The following NAA25 variants were observed in gnomAD, a reference collection of about 807,000 sequenced individuals.
NAA25 encodes N-terminal acetyltransferase B complex subunit NAA25.
NAA25 carries 30 observed loss-of-function variants against 132.5 expected under a neutral mutation model. The ratio of observed to expected loss-of-function variants is 0.23; its 90% confidence interval spans 0.17 to 0.31. The LOEUF (loss-of-function observed/expected upper bound fraction) is 0.31. NAA25 is among the 10% of genes least tolerant of loss of function. The probability of loss-of-function intolerance (pLI) is 1.00; values close to 1 mark genes in which losing one functional copy is unlikely to be tolerated. For synonymous variants in NAA25, 359 were observed against 401.9 expected, an observed-to-expected ratio of 0.89 and a Z score of 1.28; for missense variants, 771 against 1,150.4, an observed-to-expected ratio of 0.67 and a Z score of 4.77.
At chr12:112,106,594 A>G (rs2079364281) in intron 1 of NAA25, among the ~76,000 whole-genome samples, 2 of 152,110 alleles carry the variant, frequency 1.3e-5, no homozygotes, top group South Asian at 2.1e-4. Flanking sequence ...GCCACTTACC[A>G]TCTGTGTGAC....
chr12:112,058,996 C>T (rs1013195573), intron 13 of NAA25, among the ~76,000 whole-genome samples: 4 of 142,748 alleles, frequency 2.8e-5, no homozygotes, highest in African/African-American at 1.0e-4. Flanking sequence ...ATGGCGTGAA[C>T]CTGGGAGGAG....
At chr12:112,031,303 T>A (rs143665779) in intron 23 of NAA25, among the ~76,000 whole-genome samples, 1 of 152,338 alleles carries the variant, frequency 6.6e-6, no homozygotes, top group East Asian at 1.9e-4. Context: ...TAATGGAAAC[T>A]GAATTGAAGA....
chr12:112,050,780 A>G (rs1052197632), intron 15 of NAA25, among the ~76,000 whole-genome samples: 1 of 152,234 alleles, frequency 6.6e-6, no homozygotes, highest in African/African-American at 2.4e-5. Context: ...GCTTATTTTC[A>G]TATTTTTAAA....
At chr12:112,062,689 G>A (rs1207718995) in intron 11 of NAA25, among the ~76,000 whole-genome samples, 2 of 151,458 alleles carry the variant, frequency 1.3e-5, no homozygotes, top group African/African-American at 2.4e-5. Flanking sequence ...TCGCACCACT[G>A]TACTCCAGCC....
intron 23 of NAA25, among the ~76,000 whole-genome samples, chr12:112,032,503 A>G (rs1400775356): frequency 1.3e-5 from 2 of 152,234 alleles, no homozygotes; most frequent in East Asian, 3.8e-4. Flanking sequence ...AGTTTAGCTC[A>G]GCAGTTTAGC....
intron 2 of NAA25, among the ~76,000 whole-genome samples, chr12:112,092,076 TA>T (rs1314976320): frequency 6.6e-6 from 1 of 151,522 alleles, no homozygotes; most frequent in African/African-American, 2.4e-5. Context: ...CCGTCTCTAC[TA>T]AAAATACAAA....
intron 20 of NAA25, among the ~76,000 whole-genome samples, chr12:112,040,780 T>C (rs1231686259): frequency 6.6e-6 from 1 of 152,150 alleles, no homozygotes; most frequent in Non-Finnish European, 1.5e-5. Context: ...CTCTATAGTC[T>C]TCAAAATATA....
chr12:112,094,686 G>A (rs2079186836), intron 1 of NAA25, among the ~76,000 whole-genome samples: 1 of 152,120 alleles, frequency 6.6e-6, no homozygotes, highest in Non-Finnish European at 1.5e-5. Context: ...GTGAGACAGG[G>A]TCTTGCTCAG....
chr12:112,108,725 G>A lies in NAA25; in HGVS notation c.49C>T (p.Pro17Ser), dbSNP rs1252598939. 6.5e-7 allele frequency: 1 copy of A among 1,529,100 alleles called. No homozygotes were observed. Among genetic ancestry groups the A allele is most frequent in the South Asian group, 1.2e-5 (1 of 82,212 alleles). 94.7% of individuals were successfully genotyped at this position (1,529,100 alleles called of 1,614,324 possible). A position where few individuals can be genotyped will look rare whatever the true frequency, so the allele number is the denominator to read the frequency against. ...VQDPNDRRLR[P>S]IYDYLDNGNN... ...GGTCCAAGACACTCACCGTAAATGGGCCGGAGGCGCCTGTCGTTAGGGTCC... is the reference window on the plus strand; with the variant it reads ...GGTCCAAGACACTCACCGTAAATGGACCGGAGGCGCCTGTCGTTAGGGTCC... The change falls in exon 1 of 24, where the codon CCC becomes TCC. Residue 17 changes from proline (P) to serine (S), a missense_variant. Coordinates refer to ENST00000261745, the MANE Select transcript of NAA25 (RefSeq NM_024953.4).
rs1166732969 is a variant in NAA25 at position 112,040,470 on chromosome 12, C to G, written c.2538+11G>C. ...ACAACAATGTCTTTTAGGAAGAGAACAAAAACTTACCTCAACAAAGAAAAC... is the reference window on the plus strand; with the variant it reads ...ACAACAATGTCTTTTAGGAAGAGAAGAAAAACTTACCTCAACAAAGAAAAC... On this transcript the variant is annotated intron_variant, in intron 21 of 23. Transcript: ENST00000261745. 1 of 1,523,226 alleles carries G rather than the reference C, an allele frequency of 6.6e-7. No individual in the cohort carries two copies. The highest frequency in any genetic ancestry group is 1.4e-5 in the African/African-American group (1 of 72,656). The allele number at this position is 1,523,226 out of a possible 1,614,324, so 94.4% of individuals were successfully genotyped here.
At chr12:112,060,235 A>G (rs781641261) in intron 13 of NAA25, 35 bp downstream of exon 13, 2 of 1,456,132 alleles carry the variant, frequency 1.4e-6, no homozygotes. Context: ...AATAAAAGCA[A>G]AAAGTAAAGT....
intron 1 of NAA25, among the ~76,000 whole-genome samples, chr12:112,103,490 G>C (rs1464050115): frequency 6.6e-6 from 1 of 152,162 alleles, no homozygotes; most frequent in Non-Finnish European, 1.5e-5. Flanking sequence ...TAGTAAGTCA[G>C]GGCTTTTTAA....
chr12:112,074,691 G>C lies in NAA25; in HGVS notation c.850C>G (p.Pro284Ala). The C allele has an allele frequency of 1.2e-6, 2 of 1,607,528 alleles. No individual in the cohort carries two copies. Among genetic ancestry groups the C allele is most frequent in the Non-Finnish European group, 8.5e-7 (1 of 1,177,118 alleles). ...ACAACTTACTGTTCACCTTCAGCAGGAGGACTCCAGGCCTCTTCAATCAGT... is the reference window on the plus strand; with the variant it reads ...ACAACTTACTGTTCACCTTCAGCAGCAGGACTCCAGGCCTCTTCAATCAGT... ...FRLIEEAWSPPAEGEHSLEGE... is the reference protein window; with the variant it reads ...FRLIEEAWSPAAEGEHSLEGE... Residue 284 changes from proline (P) to alanine (A), a missense_variant, in exon 9 of 24, where the codon CCT (proline) becomes GCT (alanine). This residue lies in a region of NAA25 where 417 missense variants were observed against 733.8 expected (regional missense o/e 0.57). Coordinates refer to ENST00000261745, the MANE Select transcript of NAA25 (RefSeq NM_024953.4).
intron 1 of NAA25, among the ~76,000 whole-genome samples, chr12:112,100,726 TCTC>T (rs761551987): frequency 9.8e-4 from 147 of 150,100 alleles, no homozygotes; most frequent in Non-Finnish European, 1.7e-3. Flanking sequence ...CTCACGCCAT[TCTC>T]CTACCTCAGC....
chr12:112,043,894 TCTAA>T (rs1279058840), intron 17 of NAA25, 26 bp from the exon 18 acceptor site: 1 of 1,595,318 alleles, frequency 6.3e-7, no homozygotes, highest in African/African-American at 1.3e-5. Context: ...CCCCAAATTA[TCTAA>T]CTTATTCAAT....
chr12:112,106,616 C>CA (rs1454887974), intron 1 of NAA25, among the ~76,000 whole-genome samples: 3 of 152,126 alleles, frequency 2.0e-5, no homozygotes, highest in African/African-American at 7.2e-5. Context: ...TCAGGCAAAT[C>CA]AGTGTCTTCA....
chr12:112,068,983 T>C lies in NAA25; in HGVS notation c.1046A>G (p.Glu349Gly). 6.3e-7 allele frequency: 1 copy of C among 1,599,196 alleles called. No individual in the cohort carries two copies. The highest frequency in any genetic ancestry group is 1.3e-5 in the African/African-American group (1 of 74,710). The change falls in exon 11 of 24, where the codon GAA becomes GGA. Residue 349 changes from glutamate to glycine, a missense_variant. Physicochemically the swap from Glu to Gly is moderately conservative, Grantham distance 98. Around this residue, in one of 3 missense-constraint regions of NAA25, gnomAD observed 417 missense variants for 733.8 expected, o/e 0.57. Transcript: ENST00000261745. Reference protein sequence around the residue: ...CNDEYKLGDPEELMFQYFKKF... With the variant: ...CNDEYKLGDPGELMFQYFKKF... Reference sequence around the variant, plus strand: ...TTTAAAATACTGGAACATTAATTCTTCTGGATCACCTGGGGGACGGGGAAC... The same window carrying C: ...TTTAAAATACTGGAACATTAATTCTCCTGGATCACCTGGGGGACGGGGAAC...
chr12:112,074,977 T>C (rs1392218335), intron 8 of NAA25, among the ~76,000 whole-genome samples: 10 of 152,142 alleles, frequency 6.6e-5, no homozygotes, highest in African/African-American at 1.9e-4. Flanking sequence ...AACTACTCTT[T>C]CCTTCAATAA....
rs998058210 is a variant in NAA25, at chr12:112,090,709, AAAAG to A, written c.283+13_283+16del. On this transcript the variant is annotated intron_variant, in intron 3 of 23. Transcript: ENST00000261745. ...TTTCAGCTCAAGTTTAAAAACAATGAAAAGAAAGAAACATACGTCGGTGCATCTC... is the reference window on the plus strand; with the variant it reads ...TTTCAGCTCAAGTTTAAAAACAATGAAAAGAAACATACGTCGGTGCATCTC... 1 of 1,593,874 alleles carries A rather than the reference AAAAG, an allele frequency of 6.3e-7. No homozygotes were observed. The highest frequency in any genetic ancestry group is 8.5e-7 in the Non-Finnish European group (1 of 1,174,442).
Sources: gnomAD v4.1 joint callset for allele counts (sites outside exome capture counted in the v4.1 genomes callset) on GRCh38, gnomAD v4.1.1 for gene constraint, gnomAD v4.1.1 regional missense constraint, MANE v1.5 for transcripts, NCBI Gene and HGNC (gene_info 2026-07-23, HGNC 2026-07-21) for gene names.